Variants in NRXN1 observed in about 807,000 individuals in gnomAD.
The protein encoded by NRXN1 is neurexin 1.
Under a neutral mutation model 150.9 loss-of-function variants are expected in NRXN1, and 39 were observed. That is an observed-to-expected ratio of 0.26 (90% CI 0.20 to 0.34). The LOEUF (loss-of-function observed/expected upper bound fraction) is 0.34. NRXN1 is among the 10% of genes least tolerant of loss of function. NRXN1 has a pLI of 1.00. For missense variants in NRXN1, 1,815 were observed against 1,949.9 expected (o/e 0.93, Z 1.30); for synonymous variants, 924 against 757.0 (o/e 1.22, Z -3.62).
At chr2:50,917,785 T>C (rs984150069) in intron 5 of NRXN1, 7 of 151,682 alleles carry the variant, frequency 4.6e-5, no homozygotes, top group African/African-American at 1.7e-4. Flanking sequence ...AATAAGTTTC[T>C]GTTACTTACA....
chr2:50,006,242 T>A (rs1157640574), intron 21 of NRXN1, among the ~76,000 whole-genome samples: 2 of 152,176 alleles, frequency 1.3e-5, no homozygotes, highest in Non-Finnish European at 2.9e-5. Flanking sequence ...ACCCTAGTTC[T>A]AATTTTCATT....
intron 21 of NRXN1, among the ~76,000 whole-genome samples, chr2:50,022,323 T>G (rs1687698503): frequency 1.3e-5 from 2 of 152,202 alleles, no homozygotes; most frequent in African/African-American, 4.8e-5. Context: ...TATTCCTTAT[T>G]GTTCCAGTCC....
chr2:50,909,203 T>G (rs140126984), intron 5 of NRXN1, among the ~76,000 whole-genome samples: 22 of 151,992 alleles, frequency 1.4e-4, no homozygotes, highest in Non-Finnish European at 2.1e-4. Context: ...ATAGTTTCAG[T>G]AGGCAGATTT....
intron 17 of NRXN1, among the ~76,000 whole-genome samples, chr2:50,328,835 T>C (rs934873307): frequency 6.6e-6 from 1 of 152,174 alleles, no homozygotes; most frequent in African/African-American, 2.4e-5. Context: ...AAAACCTCAC[T>C]ATGCTAGTAA....
At chr2:50,070,729 C>T in intron 19 of NRXN1, among the ~76,000 whole-genome samples, 1 of 140,144 alleles carries the variant, frequency 7.1e-6, no homozygotes, top group Non-Finnish European at 1.5e-5. Context: ...GAGATCCCGC[C>T]ACTGCACTCC....
At chr2:50,929,369 G>A (rs1687394531) in intron 2 of NRXN1, among the ~76,000 whole-genome samples, 1 of 152,058 alleles carries the variant, frequency 6.6e-6, no homozygotes, top group South Asian at 2.1e-4. Context: ...CAATATGTAA[G>A]TCTTTCTCTA....
At chr2:49,951,840 A>G (rs1674024595) in intron 21 of NRXN1, among the ~76,000 whole-genome samples, 2 of 152,012 alleles carry the variant, frequency 1.3e-5, no homozygotes, top group Non-Finnish European at 1.5e-5. Context: ...CATTGAAATC[A>G]AAATCCCTTT....
intron 5 of NRXN1, among the ~76,000 whole-genome samples, chr2:50,667,988 C>G (rs1688314391): frequency 6.6e-6 from 1 of 151,938 alleles, no homozygotes; most frequent in South Asian, 2.1e-4. Flanking sequence ...AGTAAGAATT[C>G]TATACATCAC....
intron 8 of NRXN1, among the ~76,000 whole-genome samples, chr2:50,586,289 A>G (rs1293608015): frequency 6.6e-6 from 1 of 152,032 alleles, no homozygotes; most frequent in Non-Finnish European, 1.5e-5. Context: ...CTCTCTGTGA[A>G]CATCTTATAA....
chr2:50,839,130 T>C (rs1672511153), intron 5 of NRXN1, among the ~76,000 whole-genome samples: 1 of 152,178 alleles, frequency 6.6e-6, no homozygotes, highest in African/African-American at 2.4e-5. Context: ...AGCTATTTTA[T>C]TTAGTGACTT....
intron 5 of NRXN1, among the ~76,000 whole-genome samples, chr2:50,802,370 T>C (rs1707716590): frequency 6.6e-6 from 1 of 152,046 alleles, no homozygotes; most frequent in Non-Finnish European, 1.5e-5. Flanking sequence ...TGGGTGCCTG[T>C]AATCCCAGCT....
At chr2:50,199,537 TACACACACACACACACAC>T (rs67959182) in intron 18 of NRXN1, among the ~76,000 whole-genome samples, 2 of 149,328 alleles carry the variant, frequency 1.3e-5, no homozygotes, top group Non-Finnish European at 1.5e-5. Flanking sequence ...CTCTTTCTTA[TACACACACACACACACAC>T]ACACACACAC....
intron 18 of NRXN1, among the ~76,000 whole-genome samples, chr2:50,233,436 T>C (rs2065146026): frequency 6.6e-6 from 1 of 152,078 alleles, no homozygotes; most frequent in African/African-American, 2.4e-5. Context: ...AAAAATTGGA[T>C]GACAAACCAT....
At chr2:50,572,167 T>C (rs188588746) in intron 8 of NRXN1, among the ~76,000 whole-genome samples, 1 of 152,272 alleles carries the variant, frequency 6.6e-6, no homozygotes, top group African/African-American at 2.4e-5. Flanking sequence ...TTCCAGAATC[T>C]TGAGCCTGAA....
At chr2:49,956,378 G>A (rs1413322828) in intron 21 of NRXN1, among the ~76,000 whole-genome samples, 3 of 152,166 alleles carry the variant, frequency 2.0e-5, no homozygotes, top group African/African-American at 4.8e-5. Context: ...GAGAAGCATT[G>A]TCATGTTAAC....
At chr2:50,882,745 C>T (rs1212804133) in intron 5 of NRXN1, among the ~76,000 whole-genome samples, 1 of 151,744 alleles carries the variant, frequency 6.6e-6, no homozygotes, top group Non-Finnish European at 1.5e-5. Flanking sequence ...CTTAGAAATT[C>T]CTTCAACCAT....
chr2:50,954,725 T>A (rs1691982297), intron 2 of NRXN1, among the ~76,000 whole-genome samples: 1 of 152,186 alleles, frequency 6.6e-6, no homozygotes, highest in Non-Finnish European at 1.5e-5. Flanking sequence ...TTCCAGTTCT[T>A]TATAAACTGT....
At chr2:50,624,451 A>G (rs1275619945) in intron 5 of NRXN1, among the ~76,000 whole-genome samples, 1 of 152,094 alleles carries the variant, frequency 6.6e-6, no homozygotes, top group Non-Finnish European at 1.5e-5. Context: ...CTGAGGCATT[A>G]TTTTAATTTT....
chr2:50,429,696 C>T (rs568094295), intron 17 of NRXN1, among the ~76,000 whole-genome samples: 9 of 151,890 alleles, frequency 5.9e-5, no homozygotes, highest in African/African-American at 2.2e-4. Context: ...ACAAATTATC[C>T]ATAATTTTGT....
Sources: allele counts gnomAD v4.1 joint callset (sites outside exome capture counted in the v4.1 genomes callset), GRCh38; gene constraint gnomAD v4.1.1; transcripts MANE v1.5; gene names NCBI Gene and HGNC (gene_info 2026-07-23, HGNC 2026-07-21).